FHIT: variants seen among roughly 807,000 people sequenced by gnomAD.
The protein encoded by FHIT is fragile histidine triad diadenosine triphosphatase, also known as bis(5'-adenosyl)-triphosphatase.
Under a neutral mutation model 17.9 loss-of-function variants are expected in FHIT, and 19 were observed. That is an observed-to-expected ratio of 1.06 (90% confidence interval 0.74 to 1.56). The LOEUF (loss-of-function observed/expected upper bound fraction) is 1.56. Ranked by LOEUF, FHIT falls within the 40% of genes most tolerant of loss-of-function variation. The probability of loss-of-function intolerance (pLI) is 0.00; values close to 1 mark genes in which losing one functional copy is unlikely to be tolerated. For missense variants in FHIT, 248 were observed against 189.2 expected (o/e 1.31, Z -1.82); for synonymous variants, 81 against 69.7 (o/e 1.16, Z -0.81).
chr3:60,310,198 C>T (rs1350360164), intron 5 of FHIT, among the ~76,000 whole-genome samples: 1 of 152,150 alleles, frequency 6.6e-6, no homozygotes, highest in Non-Finnish European at 1.5e-5. Flanking sequence ...CTCCACAGAG[C>T]CCATGACCTG....
At chr3:60,221,679 T>C (rs369084378) in intron 5 of FHIT, among the ~76,000 whole-genome samples, 1 of 152,122 alleles carries the variant, frequency 6.6e-6, no homozygotes, top group African/African-American at 2.4e-5. Context: ...TCCCAGCTCA[T>C]AGTCATTCCA....
chr3:60,019,920 A>G (rs1700490946), intron 5 of FHIT, among the ~76,000 whole-genome samples: 1 of 152,202 alleles, frequency 6.6e-6, no homozygotes, highest in African/African-American at 2.4e-5. Context: ...CTATTTTCCA[A>G]TGGTAAACTT....
chr3:60,785,237 A>T (rs1361029032), intron 4 of FHIT, among the ~76,000 whole-genome samples: 1 of 152,188 alleles, frequency 6.6e-6, no homozygotes, highest in Non-Finnish European at 1.5e-5. Context: ...TCCAGAGGCC[A>T]AAAGGATAAT....
chr3:60,259,262 T>G (rs866051390), intron 5 of FHIT, among the ~76,000 whole-genome samples: 1 of 152,052 alleles, frequency 6.6e-6, no homozygotes, highest in Non-Finnish European at 1.5e-5. Context: ...CTACTGGAAA[T>G]AGACACTAGT....
intron 8 of FHIT, among the ~76,000 whole-genome samples, chr3:59,866,473 C>T (rs555098772): frequency 4.6e-5 from 7 of 152,208 alleles, no homozygotes; most frequent in South Asian, 2.1e-4. Context: ...AGGTTGACAA[C>T]GGGGGCATGA....
chr3:61,236,246 T>C (rs893632697), intron 1 of FHIT, among the ~76,000 whole-genome samples: 1 of 148,048 alleles, frequency 6.8e-6, no homozygotes, highest in Non-Finnish European at 1.5e-5. Flanking sequence ...GATATATAAA[T>C]ATAAATATAT....
intron 4 of FHIT, among the ~76,000 whole-genome samples, chr3:60,599,781 A>T (rs1043464049): frequency 1.9e-4 from 29 of 151,912 alleles, no homozygotes; most frequent in African/African-American, 7.0e-4. Flanking sequence ...CTACTGCCTG[A>T]GAAGTATAAT....
intron 5 of FHIT, among the ~76,000 whole-genome samples, chr3:60,356,345 C>T (rs575393533): frequency 1.3e-5 from 2 of 152,130 alleles, no homozygotes; most frequent in East Asian, 3.9e-4. Context: ...CTCCTGAGCA[C>T]AACAAAACCA....
chr3:59,870,127 C>T (rs564232673), intron 8 of FHIT, among the ~76,000 whole-genome samples: 68 of 152,254 alleles, frequency 4.5e-4, no homozygotes, highest in Admixed American at 8.5e-4. Flanking sequence ...TGGAATCAAA[C>T]CCACCTCTAT....
At chr3:59,885,714 T>C (rs1346385929) in intron 8 of FHIT, among the ~76,000 whole-genome samples, 1 of 152,202 alleles carries the variant, frequency 6.6e-6, no homozygotes, top group Non-Finnish European at 1.5e-5. Context: ...GGTTTTTTCC[T>C]CTGACTTCTT....
intron 5 of FHIT, among the ~76,000 whole-genome samples, chr3:60,377,772 C>T (rs370985000): frequency 2.6e-5 from 4 of 151,866 alleles, no homozygotes; most frequent in East Asian, 2.0e-4. Flanking sequence ...TGAGCCACCG[C>T]GCCCGGCCCA....
At chr3:60,705,905 G>C (rs1456667835) in intron 4 of FHIT, among the ~76,000 whole-genome samples, 1 of 152,018 alleles carries the variant, frequency 6.6e-6, no homozygotes, top group African/African-American at 2.4e-5. Flanking sequence ...TCCTTCCTTT[G>C]AATAAGAATA....
intron 5 of FHIT, among the ~76,000 whole-genome samples, chr3:60,493,646 A>G (rs552998377): frequency 3.9e-5 from 6 of 152,180 alleles, no homozygotes; most frequent in Non-Finnish European, 7.4e-5. Context: ...ATTTTTAGAC[A>G]TGGACATAAA....
chr3:60,151,786 C>T (rs1700475538), intron 5 of FHIT, among the ~76,000 whole-genome samples: 1 of 152,172 alleles, frequency 6.6e-6, no homozygotes, highest in Non-Finnish European at 1.5e-5. Context: ...CAGTTTACTG[C>T]ACCAATCTCA....
chr3:60,631,187 T>C (rs1297535537), intron 4 of FHIT, among the ~76,000 whole-genome samples: 3 of 152,284 alleles, frequency 2.0e-5, no homozygotes, highest in Middle Eastern at 3.4e-3. Context: ...TGTAGACTTC[T>C]AGCAGATTAG....
chr3:60,692,882 T>C (rs2041025554), intron 4 of FHIT, among the ~76,000 whole-genome samples: 1 of 152,230 alleles, frequency 6.6e-6, no homozygotes, highest in Non-Finnish European at 1.5e-5. Context: ...ATAGTAATTC[T>C]TGTTCACTTT....
At chr3:60,851,162 G>A (rs1703138863) in intron 3 of FHIT, among the ~76,000 whole-genome samples, 1 of 152,136 alleles carries the variant, frequency 6.6e-6, no homozygotes, top group Admixed American at 6.6e-5. Context: ...CCAGACCAAA[G>A]ATAGCTGAGT....
intron 1 of FHIT, among the ~76,000 whole-genome samples, chr3:61,236,426 G>T (rs2040233573): frequency 6.6e-6 from 1 of 152,030 alleles, no homozygotes; most frequent in South Asian, 2.1e-4. Context: ...AGGAAACTGA[G>T]AACTTAAATG....
intron 3 of FHIT, among the ~76,000 whole-genome samples, chr3:60,870,967 C>A (rs1704390907): frequency 1.3e-5 from 2 of 152,056 alleles, no homozygotes; most frequent in South Asian, 4.1e-4. Context: ...TGGAGCATTT[C>A]CTCGTTGATG....
Sources: allele counts gnomAD v4.1 joint callset (sites outside exome capture counted in the v4.1 genomes callset), GRCh38; gene constraint gnomAD v4.1.1; transcripts MANE v1.5; gene names NCBI Gene and HGNC (gene_info 2026-07-23, HGNC 2026-07-21).